Variants in WDFY2 observed in about 807,000 individuals in gnomAD.
WDFY2 encodes the protein WD repeat and FYVE domain-containing protein 2.
WDFY2 carries 36 observed loss-of-function variants against 56.4 expected under a neutral mutation model. That is an observed-to-expected ratio of 0.64 (90% confidence interval 0.49 to 0.84). The LOEUF (loss-of-function observed/expected upper bound fraction) is 0.84. Among genes scored for constraint, WDFY2 ranks in the 40% least tolerant of loss-of-function variants. The probability of loss-of-function intolerance (pLI) is 0.00; values close to 1 mark genes in which losing one functional copy is unlikely to be tolerated. For synonymous variants in WDFY2, 176 were observed against 183.7 expected, an observed-to-expected ratio of 0.96 and a Z score of 0.34; for missense variants, 444 against 512.2, an observed-to-expected ratio of 0.87 and a Z score of 1.29.
chr13:51,731,337 T>G (rs1952719081), intron 6 of WDFY2, among the ~76,000 whole-genome samples: 1 of 152,244 alleles, frequency 6.6e-6, no homozygotes, highest in Admixed American at 6.5e-5. Flanking sequence ...GTCAGCCACA[T>G]ATGGTTCAAA....
At chr13:51,688,609 C>A (rs1956099999) in intron 3 of WDFY2, among the ~76,000 whole-genome samples, 1 of 152,016 alleles carries the variant, frequency 6.6e-6, no homozygotes, top group African/African-American at 2.4e-5. Flanking sequence ...TCTCTAAGAC[C>A]CCTTACAAAC....
intron 2 of WDFY2, among the ~76,000 whole-genome samples, chr13:51,666,711 TACAC>T (rs555398889): frequency 1.3e-5 from 2 of 152,022 alleles, no homozygotes; most frequent in Admixed American, 6.6e-5. Flanking sequence ...TCTTTCTGTT[TACAC>T]ACACACACAC....
chr13:51,641,141 C>T (rs984896808), intron 1 of WDFY2, among the ~76,000 whole-genome samples: 3 of 151,900 alleles, frequency 2.0e-5, no homozygotes, highest in African/African-American at 7.2e-5. Flanking sequence ...GGTATGATCT[C>T]GGCTCACTGC....
At chr13:51,661,851 T>C (rs527783572) in intron 2 of WDFY2, among the ~76,000 whole-genome samples, 79 of 152,348 alleles carry the variant, frequency 5.2e-4, no homozygotes, top group Non-Finnish European at 9.3e-4. Context: ...TAGAAGATAC[T>C]GTCGTACATT....
intron 1 of WDFY2, among the ~76,000 whole-genome samples, chr13:51,643,401 A>G (rs1005774557): frequency 2.0e-5 from 3 of 152,192 alleles, no homozygotes; most frequent in African/African-American, 7.2e-5. Flanking sequence ...CATTTTTCAC[A>G]TGCCTGCCAC....
chr13:51,676,800 G>C (rs960097257), intron 3 of WDFY2, among the ~76,000 whole-genome samples: 1 of 152,122 alleles, frequency 6.6e-6, no homozygotes, highest in Non-Finnish European at 1.5e-5. Context: ...AAGGAGGTGT[G>C]CATATGAGAT....
intron 7 of WDFY2, among the ~76,000 whole-genome samples, chr13:51,744,164 T>G (rs1035281929): frequency 6.6e-6 from 1 of 152,196 alleles, no homozygotes; most frequent in Admixed American, 6.5e-5. Flanking sequence ...TCCTTGGAGC[T>G]TGGAAGATTT....
At chr13:51,648,338 A>G (rs1002513171) in intron 1 of WDFY2, among the ~76,000 whole-genome samples, 1 of 152,202 alleles carries the variant, frequency 6.6e-6, no homozygotes, top group African/African-American at 2.4e-5. Flanking sequence ...AGGTGCAGTC[A>G]GAGGACTTTC....
At chr13:51,717,524 T>C (rs1443962286) in intron 4 of WDFY2, among the ~76,000 whole-genome samples, 1 of 151,954 alleles carries the variant, frequency 6.6e-6, no homozygotes, top group Non-Finnish European at 1.5e-5. Flanking sequence ...TGGGCTCGAA[T>C]ATGGTAGATA....
intron 4 of WDFY2, among the ~76,000 whole-genome samples, chr13:51,718,690 A>C (rs1427488421): frequency 6.6e-6 from 1 of 152,122 alleles, no homozygotes; most frequent in African/African-American, 2.4e-5. Context: ...TTCTGAAAGA[A>C]AGTGTTCATC....
intron 2 of WDFY2, among the ~76,000 whole-genome samples, chr13:51,666,303 G>A (rs1216505694): frequency 1.3e-5 from 2 of 152,286 alleles, no homozygotes; most frequent in South Asian, 2.1e-4. Flanking sequence ...GTGCTTTATG[G>A]CTGTTTTTGA....
intron 10 of WDFY2, among the ~76,000 whole-genome samples, chr13:51,757,560 G>A (rs924055209): frequency 2.7e-5 from 4 of 150,716 alleles, no homozygotes; most frequent in African/African-American, 9.8e-5. Flanking sequence ...TCCCGCCTCT[G>A]TTTCTTCTGC....
intron 1 of WDFY2, among the ~76,000 whole-genome samples, chr13:51,610,683 A>G (rs1418664885): frequency 2.0e-5 from 3 of 152,236 alleles, no homozygotes; most frequent in Admixed American, 6.5e-5. Flanking sequence ...TCTACTATCT[A>G]TTAATGGACA....
intron 1 of WDFY2, among the ~76,000 whole-genome samples, chr13:51,631,356 ACTGCAG>A (rs1954949049): frequency 6.6e-6 from 1 of 151,130 alleles, no homozygotes; most frequent in South Asian, 2.1e-4. Flanking sequence ...GTGTCATCGC[ACTGCAG>A]CCTGGGAGAT....
At chr13:51,628,616 C>A (rs750642246) in intron 1 of WDFY2, among the ~76,000 whole-genome samples, 2 of 152,338 alleles carry the variant, frequency 1.3e-5, no homozygotes, top group African/African-American at 2.4e-5. Flanking sequence ...AGCGGCACCC[C>A]CCCTGCTGCA....
chr13:51,609,359 A>G (rs758991479), intron 1 of WDFY2, among the ~76,000 whole-genome samples: 8 of 152,300 alleles, frequency 5.3e-5, no homozygotes, highest in Non-Finnish European at 7.4e-5. Context: ...TCCTCAAAAG[A>G]TTAGATTTGT....
chr13:51,695,567 C>T (rs1006532916), intron 3 of WDFY2, among the ~76,000 whole-genome samples: 3 of 152,180 alleles, frequency 2.0e-5, no homozygotes, highest in Non-Finnish European at 2.9e-5. Flanking sequence ...GAGTACCCAG[C>T]TGTGTGAGGT....
At chr13:51,658,019 C>A (rs529995068) in intron 1 of WDFY2, among the ~76,000 whole-genome samples, 61 of 152,002 alleles carry the variant, frequency 4.0e-4, no homozygotes, top group Non-Finnish European at 7.1e-4. Context: ...ATTTGTTTTT[C>A]TTTTCCTTTT....
rs376670024 is a variant in WDFY2, at chr13:51,660,678, C to T, written c.205+15C>T. ...TGCAATGCCTTGTAAGTATCCAAAT[C>T]GCTGTCTTGAAAAACCAGACATGTC... On this transcript the variant is annotated intron_variant, in intron 2 of 11. Coordinates refer to ENST00000298125, the MANE Select transcript of WDFY2 (RefSeq NM_052950.4). The T allele has an allele frequency of 6.8e-6, 11 of 1,612,266 alleles. No homozygotes were observed. The highest frequency in any genetic ancestry group is 5.3e-5 in the African/African-American group (4 of 74,862).
Sources: allele counts gnomAD v4.1 joint callset (sites outside exome capture counted in the v4.1 genomes callset), GRCh38; gene constraint gnomAD v4.1.1; transcripts MANE v1.5; gene names NCBI Gene and HGNC (gene_info 2026-07-23, HGNC 2026-07-21).